Variants in NEO1 observed in about 807,000 individuals in gnomAD.
NEO1 encodes the protein neogenin 1.
A neutral mutation model predicts 159.7 loss-of-function variants in NEO1; 63 were observed. The ratio of observed to expected loss-of-function variants is 0.39; its 90% CI spans 0.32 to 0.49. NEO1 has a LOEUF of 0.49. NEO1 is among the 20% of genes least tolerant of loss of function. NEO1 has a pLI of 0.85. For synonymous variants in NEO1, 633 were observed against 662.0 expected, an observed-to-expected ratio of 0.96 and a Z score of 0.67; for missense variants, 1,615 against 1,831.0, an observed-to-expected ratio of 0.88 and a Z score of 2.15.
chr15:73,089,957 G>A (rs971024986), intron 1 of NEO1, among the ~76,000 whole-genome samples: 8 of 151,986 alleles, frequency 5.3e-5, no homozygotes, highest in African/African-American at 1.4e-4. Context: ...TGCTTGGGAC[G>A]GACCCAGTTT....
chr15:73,093,188 C>T (rs962842319), intron 1 of NEO1, among the ~76,000 whole-genome samples: 1 of 152,204 alleles, frequency 6.6e-6, no homozygotes, highest in Non-Finnish European at 1.5e-5. Flanking sequence ...GCCATCACAC[C>T]ATTTCAAGGC....
At position 73,265,057 on chromosome 15, in the gene NEO1, C is replaced by G. The variant is rs139272406; in HGVS notation, c.2399-1259C>G. On this transcript the variant is annotated intron_variant, in intron 15 of 28. Transcript: ENST00000261908. ...GTAAACAGGAAGAGTGGGATGTGAC[C>G]CCAGCATAGGGAGCAGCTGCAAGCG... Among the ~76,000 whole-genome samples the G allele has an allele frequency of 2.8e-3, 431 of 152,046 alleles. 3 individuals are homozygous for G. The highest frequency in any genetic ancestry group is 9.9e-3 in the African/African-American group (409 of 41,448).
chr15:73,106,951 C>T (rs2070726589), intron 1 of NEO1, among the ~76,000 whole-genome samples: 1 of 152,174 alleles, frequency 6.6e-6, no homozygotes, highest in Non-Finnish European at 1.5e-5. Flanking sequence ...GATATTGGAT[C>T]CCTTGACTTC....
At chr15:73,178,853 T>C (rs1232588202) in intron 7 of NEO1, among the ~76,000 whole-genome samples, 1 of 152,172 alleles carries the variant, frequency 6.6e-6, no homozygotes, top group Non-Finnish European at 1.5e-5. Context: ...TGCTTACATA[T>C]AAGTGACAAT....
intron 13 of NEO1, among the ~76,000 whole-genome samples, chr15:73,256,426 G>C (rs2040352696): frequency 6.6e-6 from 1 of 152,164 alleles, no homozygotes; most frequent in Non-Finnish European, 1.5e-5. Flanking sequence ...CTTGAACCGG[G>C]GAGGCAGAGG....
At chr15:73,297,293 A>G (rs2042412127) in intron 26 of NEO1, among the ~76,000 whole-genome samples, 1 of 152,166 alleles carries the variant, frequency 6.6e-6, no homozygotes, top group Non-Finnish European at 1.5e-5. Flanking sequence ...CAAATGGGCA[A>G]TTTGCTTAAC....
At chr15:73,208,041 A>G (rs1408459423) in intron 7 of NEO1, among the ~76,000 whole-genome samples, 2 of 152,254 alleles carry the variant, frequency 1.3e-5, no homozygotes, top group Non-Finnish European at 2.9e-5. Context: ...TTTGCATACT[A>G]ACTAAACATT....
chr15:73,283,055 G>T lies in NEO1; in HGVS notation c.3354G>T (p.Val1118=), dbSNP rs2151095996. The change falls in exon 23 of 29, where the codon GTG becomes GTT. Residue 1118 remains valine (V), a synonymous_variant. Transcript: ENST00000261908. ...IIVSVGVITI[V]VVVIIAVFCT... ...TTTCTGTTGGCGTCATCACCATCGT[G>T]GTGGTTGTGATTATCGCTGTCTTTT... 1 of 1,614,140 alleles carries T rather than the reference G, an allele frequency of 6.2e-7. No homozygotes were observed. Among genetic ancestry groups the T allele is most frequent in the South Asian group, 1.1e-5 (1 of 91,074 alleles).
At chr15:73,236,261 A>G (rs747478594) in intron 7 of NEO1, 86 bp from the exon 8 acceptor site, 2 of 1,595,124 alleles carry the variant, frequency 1.3e-6, no homozygotes, top group East Asian at 2.2e-5. Context: ...TGCCCTTCAT[A>G]TTCCCCAATG....
At chr15:73,190,887 A>G (rs961671389) in intron 7 of NEO1, among the ~76,000 whole-genome samples, 5 of 151,996 alleles carry the variant, frequency 3.3e-5, no homozygotes, top group African/African-American at 4.8e-5. Flanking sequence ...TGGATTACAT[A>G]TTGTAATTCT....
Position 73,149,082 on chromosome 15 carries a change from C to T in NEO1, c.1015+13055C>T, listed in dbSNP as rs1436222018. Among the ~76,000 whole-genome samples, 5 of 151,792 alleles carry T rather than the reference C, an allele frequency of 3.3e-5. No homozygotes were observed. In the East Asian group the frequency reaches 5.8e-4, roughly 18 times the overall value. ...CTGTAATCTCAGCACTTTGCAAGGC[C>T]GAGGCGAGTGGATCACGAGGTCAAG... On this transcript the variant is annotated intron_variant, in intron 5 of 28. Coordinates refer to ENST00000261908, the MANE Select transcript of NEO1 (RefSeq NM_002499.4).
chr15:73,208,359 G>A (rs2037351763), intron 7 of NEO1, among the ~76,000 whole-genome samples: 1 of 152,088 alleles, frequency 6.6e-6, no homozygotes, highest in Non-Finnish European at 1.5e-5. Context: ...CAGAATTTTG[G>A]AATTACAAAT....
At chr15:73,170,957 C>A (rs2034920640) in intron 5 of NEO1, among the ~76,000 whole-genome samples, 1 of 151,180 alleles carries the variant, frequency 6.6e-6, no homozygotes, top group Admixed American at 6.6e-5. Flanking sequence ...ACATGATGAA[C>A]CTCCTGATAG....
chr15:73,127,035 TCCTGGCTAACACGGTGAAAC>T (rs1364215073), intron 4 of NEO1, among the ~76,000 whole-genome samples: 1 of 151,938 alleles, frequency 6.6e-6, no homozygotes, highest in African/African-American at 2.4e-5. Context: ...ATCGAGACCA[TCCTGGCTAACACGGTGAAAC>T]CCCGTCTCTA....
chr15:73,211,815 C>A (rs148090146), intron 7 of NEO1, among the ~76,000 whole-genome samples: 2 of 152,200 alleles, frequency 1.3e-5, no homozygotes, highest in African/African-American at 4.8e-5. Context: ...ATAGGGTTCC[C>A]CTTGAGTCTT....
At chr15:73,302,158 T>C (rs949241339) in intron 28 of NEO1, among the ~76,000 whole-genome samples, 28 of 152,222 alleles carry the variant, frequency 1.8e-4, no homozygotes, top group African/African-American at 6.5e-4. Flanking sequence ...GAGGAGAAAG[T>C]GCCTGAGTGG....
intron 7 of NEO1, among the ~76,000 whole-genome samples, chr15:73,196,872 C>G (rs754842956): frequency 6.6e-6 from 1 of 152,196 alleles, no homozygotes; most frequent in African/African-American, 2.4e-5. Context: ...CCACATTTCC[C>G]ATTCATTGGA....
Position 73,301,339 on chromosome 15 carries a change from A to G in NEO1, c.4184A>G (p.His1395Arg). The G allele has an allele frequency of 6.2e-7, 1 of 1,613,978 alleles. No homozygotes were observed. The highest frequency in any genetic ancestry group is 8.5e-7 in the Non-Finnish European group (1 of 1,179,992). Residue 1395 changes from histidine to arginine, a missense_variant, in exon 28 of 29, where the codon CAC becomes CGC. His to Arg is a conservative substitution (Grantham distance 29). Around this residue, in one of 3 missense-constraint regions of NEO1, gnomAD observed 471 missense variants for 498.9 expected, o/e 0.94. Transcript: ENST00000261908. ...LSQQALNHHIHSVKTASIGTL... is the reference protein window; with the variant it reads ...LSQQALNHHIRSVKTASIGTL... ...CCCTCAGCTCTGAACCATCACATTC[A>G]CTCAGTGAAGACAGCCTCCATCGGG...
intron 15 of NEO1, among the ~76,000 whole-genome samples, chr15:73,263,661 A>C (rs1317710742): frequency 6.6e-6 from 1 of 152,206 alleles, no homozygotes; most frequent in East Asian, 1.9e-4. Context: ...ATTTTCATTC[A>C]GATCGTTTCT....
Sources: allele counts gnomAD v4.1 joint callset (sites outside exome capture counted in the v4.1 genomes callset), GRCh38; gene constraint gnomAD v4.1.1; regional missense constraint gnomAD v4.1.1; transcripts MANE v1.5; gene names NCBI Gene and HGNC (gene_info 2026-07-23, HGNC 2026-07-21).